NBAS: variants seen among roughly 807,000 people sequenced by gnomAD.
NBAS encodes NBAS subunit of NRZ tethering complex.
A neutral mutation model predicts 302.5 loss-of-function variants in NBAS; 219 were observed. The observed-to-expected ratio is 0.72, with a 90% CI of 0.65 to 0.81. The LOEUF (loss-of-function observed/expected upper bound fraction) is 0.81. Ranked by LOEUF, NBAS falls within the 30% of genes least tolerant of loss-of-function variation. NBAS has a pLI of 0.00. For missense variants in NBAS, 2,932 were observed against 2,841.6 expected, an observed-to-expected ratio of 1.03 and a Z score of -0.72; for synonymous variants, 1,118 against 1,021.6, an observed-to-expected ratio of 1.09 and a Z score of -1.80.
the NBAS span, among the ~76,000 whole-genome samples, chr2:15,002,165 G>A: frequency 6.6e-6 from 1 of 151,874 alleles, no homozygotes; most frequent in African/African-American, 2.4e-5. Flanking sequence ...AGTGTTGATT[G>A]GTGCATTCAC....
chr2:15,099,849 C>T, the NBAS span, among the ~76,000 whole-genome samples: 1 of 152,078 alleles, frequency 6.6e-6, no homozygotes, highest in African/African-American at 2.4e-5. Context: ...TTACACATAG[C>T]TACAATATGG....
intron 31 of NBAS, among the ~76,000 whole-genome samples, chr2:15,367,267 A>G (rs969697619): frequency 1.1e-3 from 171 of 152,246 alleles, no homozygotes; most frequent in African/African-American, 4.0e-3. Context: ...AACTATAAAG[A>G]AATGAAAATC....
chr2:15,356,301 A>C lies in NBAS; in HGVS notation c.3931+2T>G. 1 of 1,609,810 alleles carries C rather than the reference A, an allele frequency of 6.2e-7. No individual in the cohort carries two copies. Among genetic ancestry groups the C allele is most frequent in the Non-Finnish European group, 8.5e-7 (1 of 1,176,178 alleles). On this transcript the variant is annotated splice_donor_variant, in intron 33 of 51. Coordinates refer to ENST00000281513, the MANE Select transcript of NBAS (RefSeq NM_015909.4). LOFTEE classifies it high-confidence loss of function. ...AAAGTGTTAAATAAGCTGTCTACTC[A>C]CCTGTGGCCATCAGCTCCTGACAAT... is the stretch of plus-strand genomic sequence containing the variant.
At chr2:14,808,758 T>C in the NBAS span, among the ~76,000 whole-genome samples, 8 of 152,110 alleles carry the variant, frequency 5.3e-5, no homozygotes, top group Admixed American at 4.6e-4. Context: ...CAAGTAGAGA[T>C]TGGAACAGTT....
Position 15,356,411 on chromosome 2 carries a change from T to A in NBAS, c.3823A>T (p.Asn1275Tyr). 1 of 1,613,298 alleles carries A rather than the reference T, an allele frequency of 6.2e-7. No individual in the cohort carries two copies. The highest frequency in any genetic ancestry group is 8.5e-7 in the Non-Finnish European group (1 of 1,179,316). Residue 1275 changes from asparagine (N) to tyrosine (Y), a missense_variant, in exon 33 of 52, where the codon AAC becomes TAC. Physicochemically the swap from Asn to Tyr is moderately radical, Grantham distance 143. Transcript: ENST00000281513. Reference protein sequence around the residue: ...LAELLRVAGENPEERRGQVLI... With the variant: ...LAELLRVAGEYPEERRGQVLI... Reference sequence around the variant, plus strand: ...ACCTGTCCCCGCCTTTCTTCTGGGTTCTCACCTGTAAGTCCAAGCAAAGGA... The same window carrying A: ...ACCTGTCCCCGCCTTTCTTCTGGGTACTCACCTGTAAGTCCAAGCAAAGGA...
At chr2:15,214,186 A>C (rs1194724935) in intron 48 of NBAS, among the ~76,000 whole-genome samples, 1 of 152,204 alleles carries the variant, frequency 6.6e-6, no homozygotes, top group African/African-American at 2.4e-5. Flanking sequence ...ACCTTGGACA[A>C]ATTTTTAAAG....
At chr2:15,122,178 G>A in the NBAS span, among the ~76,000 whole-genome samples, 8 of 151,524 alleles carry the variant, frequency 5.3e-5, no homozygotes, top group South Asian at 4.2e-4. Context: ...GAAATAACCC[G>A]AGGCTGGATA....
the NBAS span, among the ~76,000 whole-genome samples, chr2:14,931,258 T>TG: frequency 6.6e-6 from 1 of 152,356 alleles, no homozygotes; most frequent in Non-Finnish European, 1.5e-5. Flanking sequence ...AGCTATGACC[T>TG]TGAATAATTT....
Position 15,437,511 on chromosome 2 carries a change from T to C in NBAS, c.2340-9717A>G, listed in dbSNP as rs547992440. Among the ~76,000 whole-genome samples, 4 of 152,170 alleles carry C rather than the reference T, an allele frequency of 2.6e-5. No homozygotes were observed. In the East Asian group the frequency reaches 7.7e-4, roughly 29 times the overall value. On this transcript the variant is annotated intron_variant, in intron 21 of 51. Transcript: ENST00000281513. ...GCTGAGGAAATGAAGACCCTGGAAA[T>C]GAAGAGGGAGTGTTCTGATGTCAGT...
the NBAS span, among the ~76,000 whole-genome samples, chr2:14,885,943 G>T: frequency 6.6e-6 from 1 of 152,190 alleles, no homozygotes; most frequent in East Asian, 1.9e-4. Context: ...CGGAATAAAG[G>T]GTAAATGGGA....
At chr2:15,096,574 A>T in the NBAS span, among the ~76,000 whole-genome samples, 5 of 152,170 alleles carry the variant, frequency 3.3e-5, no homozygotes, top group Non-Finnish European at 5.9e-5. Flanking sequence ...CACTTCCCAA[A>T]TGCAACAACT....
chr2:15,036,313 A>G, the NBAS span, among the ~76,000 whole-genome samples: 3 of 152,220 alleles, frequency 2.0e-5, no homozygotes, highest in East Asian at 3.9e-4. Flanking sequence ...ACCAAATACA[A>G]TTGCAAGGTG....
chr2:15,217,661 C>G (rs894448193), intron 48 of NBAS, among the ~76,000 whole-genome samples: 11 of 152,202 alleles, frequency 7.2e-5, no homozygotes, highest in African/African-American at 2.4e-4. Flanking sequence ...TTAAGGTTCC[C>G]GACTCCTGGA....
chr2:14,821,423 T>C, the NBAS span, among the ~76,000 whole-genome samples: 2 of 152,222 alleles, frequency 1.3e-5, no homozygotes, highest in Non-Finnish European at 2.9e-5. Context: ...TACTTGATGC[T>C]GACATCCACC....
chr2:15,349,565 T>A, intron 35 of NBAS, among the ~76,000 whole-genome samples: 1 of 152,176 alleles, frequency 6.6e-6, no homozygotes, highest in Non-Finnish European at 1.5e-5. Context: ...CTGAATGCCA[T>A]CCTCCACTGA....
At chr2:14,993,586 A>C in the NBAS span, among the ~76,000 whole-genome samples, 2 of 152,154 alleles carry the variant, frequency 1.3e-5, no homozygotes, top group African/African-American at 4.8e-5. Flanking sequence ...TGAATCACAA[A>C]ATTTGCTATT....
chr2:14,909,268 C>A, the NBAS span, among the ~76,000 whole-genome samples: 1 of 143,974 alleles, frequency 6.9e-6, no homozygotes, highest in African/African-American at 2.6e-5. Flanking sequence ...TGCAGTGAGC[C>A]GGGATTGTGC....
At chr2:15,093,013 G>T in the NBAS span, among the ~76,000 whole-genome samples, 1 of 152,122 alleles carries the variant, frequency 6.6e-6, no homozygotes, top group Non-Finnish European at 1.5e-5. Flanking sequence ...ACCCTGCAGG[G>T]TGTCTGTCCC....
rs950735804 is a variant in NBAS at position 15,502,940 on chromosome 2, C to T, written c.954+1205G>A. On this transcript the variant is annotated intron_variant, in intron 11 of 51. Transcript: ENST00000281513. Reference sequence around the variant, plus strand: ...TTAAAACACAAACATGCTATACATACATCTGTATTAAAAAAATTTCTTTCT... The same window carrying T: ...TTAAAACACAAACATGCTATACATATATCTGTATTAAAAAAATTTCTTTCT... 2.0e-5 allele frequency among the ~76,000 whole-genome samples: 3 copies of T among 152,164 alleles called. No homozygotes were observed. In the East Asian group the frequency reaches 5.8e-4, roughly 29 times the overall value.
Sources: allele counts gnomAD v4.1 joint callset (sites outside exome capture counted in the v4.1 genomes callset), GRCh38; gene constraint gnomAD v4.1.1; transcripts MANE v1.5; gene names NCBI Gene and HGNC (gene_info 2026-07-23, HGNC 2026-07-21).